The following SLC23A2 variants were observed in gnomAD, a reference collection of about 807,000 sequenced individuals.
SLC23A2 encodes Na(+)/L-ascorbic acid transporter 2.
A neutral mutation model predicts 73.3 loss-of-function variants in SLC23A2; 36 were observed. The ratio of observed to expected loss-of-function variants is 0.49; its 90% CI spans 0.38 to 0.65. The LOEUF (loss-of-function observed/expected upper bound fraction) is 0.65. Ranked by LOEUF, SLC23A2 falls within the 30% of genes least tolerant of loss-of-function variation. The pLI is 0.00. For missense variants in SLC23A2, 507 were observed against 841.6 expected, an observed-to-expected ratio of 0.60 and a Z score of 4.92; for synonymous variants, 343 against 327.3, an observed-to-expected ratio of 1.05 and a Z score of -0.52.
intron 1 of SLC23A2, among the ~76,000 whole-genome samples, chr20:4,971,635 A>AT (rs1568649345): frequency 6.6e-6 from 1 of 151,552 alleles, no homozygotes; most frequent in African/African-American, 2.4e-5. Context: ...AAAAAAAAAA[A>AT]AATTATCTCG....
At chr20:4,898,349 A>AC (rs1491508325) in intron 6 of SLC23A2, among the ~76,000 whole-genome samples, 1 of 152,168 alleles carries the variant, frequency 6.6e-6, no homozygotes, top group Non-Finnish European at 1.5e-5. Flanking sequence ...GGCAACCAGA[A>AC]CACCTGCACA....
At position 5,001,464 on chromosome 20, in the gene SLC23A2, C is replaced by A. The variant is rs1266343208; in HGVS notation, c.-340G>T. ...CCGCGCCTCGGCGCCGCAGTGCCCGCTGCAGCCTCCGCCTCCGGTCCCCGC... is the reference window on the plus strand; with the variant it reads ...CCGCGCCTCGGCGCCGCAGTGCCCGATGCAGCCTCCGCCTCCGGTCCCCGC... On this transcript the variant is annotated 5_prime_UTR_variant, in exon 1 of 17. Transcript: ENST00000338244. 6.0e-5 allele frequency: 9 copies of A among 148,932 alleles called. No homozygotes were observed. The East Asian group carries it at 1.2e-3, about 20-fold the overall frequency. The allele number at this position is 148,932 out of a possible 1,614,324, so 9.2% of individuals were successfully genotyped here. A position where few individuals can be genotyped will look rare whatever the true frequency, so the allele number is the denominator to read the frequency against.
intron 6 of SLC23A2, chr20:4,886,124 C>A: frequency 2.0e-6 from 1 of 495,184 alleles, no homozygotes; most frequent in East Asian, 3.7e-5. Flanking sequence ...CTCCTCCCAC[C>A]CAGGCAGCTC....
At chr20:4,953,677 T>C (rs376469998) in intron 2 of SLC23A2, among the ~76,000 whole-genome samples, 62 of 151,986 alleles carry the variant, frequency 4.1e-4, no homozygotes, top group African/African-American at 1.4e-3. Context: ...TTACTTGGGG[T>C]CAGGAGTTCA....
Position 4,899,419 on chromosome 20 carries a change from C to T in SLC23A2, c.482+136G>A, listed in dbSNP as rs1931663285. On this transcript the variant is annotated intron_variant, in intron 6 of 16. Transcript: ENST00000338244. The surrounding 1 kb of genome is among the most constrained non-coding windows in gnomAD (Gnocchi z 4.9). ...TGGGAGGAACACTGAGGGGTGGGGA[C>T]CAACGGCCACTAGGACATTCCCGTG... 1 of 972,252 alleles carries T rather than the reference C, an allele frequency of 1.0e-6. No individual in the cohort carries two copies. The highest frequency in any genetic ancestry group is 1.6e-6 in the Non-Finnish European group (1 of 628,840). The allele number at this position is 972,252 out of a possible 1,614,324, so 60.2% of individuals were successfully genotyped here.
At chr20:4,988,496 G>A (rs2087867126) in intron 1 of SLC23A2, among the ~76,000 whole-genome samples, 2 of 151,990 alleles carry the variant, frequency 1.3e-5, no homozygotes, top group African/African-American at 4.8e-5. Flanking sequence ...CCAGCACTTT[G>A]GGGGGTTGAG....
chr20:4,886,479 TA>T (rs1295936175), intron 6 of SLC23A2, among the ~76,000 whole-genome samples: 3 of 152,188 alleles, frequency 2.0e-5, no homozygotes, highest in Non-Finnish European at 4.4e-5. Flanking sequence ...TGCTTAATCA[TA>T]AAAATACTTA....
chr20:4,871,034 T>C (rs560724051), intron 11 of SLC23A2, among the ~76,000 whole-genome samples: 9 of 152,214 alleles, frequency 5.9e-5, no homozygotes, highest in Non-Finnish European at 1.0e-4. Flanking sequence ...TATTTGGACT[T>C]GAAAGCCATA....
At chr20:4,983,114 GA>G (rs922194195) in intron 1 of SLC23A2, among the ~76,000 whole-genome samples, 2 of 151,546 alleles carry the variant, frequency 1.3e-5, no homozygotes, top group African/African-American at 4.9e-5. Context: ...TCAAAAAAAA[GA>G]AAAAGTCCAC....
chr20:4,875,727 T>C (rs554741205), intron 9 of SLC23A2, among the ~76,000 whole-genome samples: 2 of 152,330 alleles, frequency 1.3e-5, no homozygotes, highest in Admixed American at 1.3e-4. Context: ...GGTGGATTTT[T>C]ACTCATCACC....
intron 3 of SLC23A2, among the ~76,000 whole-genome samples, chr20:4,931,981 G>A (rs1470270616): frequency 6.6e-6 from 1 of 152,164 alleles, no homozygotes; most frequent in Non-Finnish European, 1.5e-5. Flanking sequence ...AAATGAATGT[G>A]TGTAATCAGC....
At chr20:4,903,176 T>A (rs186259650) in intron 4 of SLC23A2, among the ~76,000 whole-genome samples, 106 of 152,274 alleles carry the variant, frequency 7.0e-4, no homozygotes, top group Non-Finnish European at 1.1e-3. Flanking sequence ...GGTGACAGGT[T>A]TTTTCTTCTT....
chr20:4,865,184 G>A (rs939164845), intron 13 of SLC23A2, among the ~76,000 whole-genome samples: 7 of 152,242 alleles, frequency 4.6e-5, no homozygotes, highest in African/African-American at 1.7e-4. Flanking sequence ...TGGTAAAATA[G>A]ACCCTGGGTT....
At chr20:4,948,469 C>T (rs2087150565) in intron 2 of SLC23A2, among the ~76,000 whole-genome samples, 1 of 152,206 alleles carries the variant, frequency 6.6e-6, no homozygotes, top group African/African-American at 2.4e-5. Flanking sequence ...AAGAGTTCCT[C>T]TTCCCTGCAG....
chr20:5,002,297 T>G (rs2088139658), upstream of SLC23A2, among the ~76,000 whole-genome samples: 1 of 152,156 alleles, frequency 6.6e-6, no homozygotes, highest in Non-Finnish European at 1.5e-5. Context: ...GGCGTGAGGC[T>G]CCAGAATCTG....
intron 2 of SLC23A2, among the ~76,000 whole-genome samples, chr20:4,946,503 AAT>A (rs1288037512): frequency 6.6e-6 from 1 of 152,186 alleles, no homozygotes; most frequent in Non-Finnish European, 1.5e-5. Context: ...ACTGACAGCA[AAT>A]AGTTTATGGC....
chr20:4,922,739 CA>C (rs1229878571), intron 3 of SLC23A2, among the ~76,000 whole-genome samples: 1 of 151,722 alleles, frequency 6.6e-6, no homozygotes, highest in Non-Finnish European at 1.5e-5. Context: ...GGCTGAGGCA[CA>C]AGAACTGCTT....
intron 4 of SLC23A2, among the ~76,000 whole-genome samples, chr20:4,903,906 T>C (rs1196982230): frequency 2.0e-5 from 3 of 152,230 alleles, no homozygotes; most frequent in African/African-American, 7.2e-5. Flanking sequence ...TCAGCAGGTC[T>C]GGGTTGTCCA....
rs905282701 is a variant in SLC23A2, at chr20:4,872,353, A to C, written c.1102+1583T>G. ...GTACCCCACCAGCCCTCGGCAGGCC[A>C]GGAGCCCTACGTGCTCGCTCACGGC... On this transcript the variant is annotated intron_variant, in intron 11 of 16. Transcript: ENST00000338244. This position sits in a 1 kb window ranked among gnomAD's most constrained non-coding sequence, Gnocchi z 4.4. 6.6e-6 allele frequency among the ~76,000 whole-genome samples: 1 copy of C among 152,188 alleles called. No homozygotes were observed. Among genetic ancestry groups the C allele is most frequent in the African/African-American group, 2.4e-5 (1 of 41,448 alleles).
Sources: allele counts gnomAD v4.1 joint callset (sites outside exome capture counted in the v4.1 genomes callset), GRCh38; gene constraint gnomAD v4.1.1; non-coding constraint Gnocchi (gnomAD v3.1); transcripts MANE v1.5; gene names NCBI Gene and HGNC (gene_info 2026-07-23, HGNC 2026-07-21).